ATP1B3: variants seen among roughly 807,000 people sequenced by gnomAD.
ATP1B3 encodes the protein ATPase Na+/K+ transporting subunit beta 3.
ATP1B3 carries 10 observed loss-of-function variants against 30.2 expected under a neutral mutation model. The observed-to-expected ratio is 0.33, with a 90% confidence interval of 0.20 to 0.56. The LOEUF (loss-of-function observed/expected upper bound fraction) is 0.56, where lower values mean the gene tolerates loss of function less well. Among genes scored for constraint, ATP1B3 ranks in the 20% least tolerant of loss-of-function variants. The pLI is 0.90. For synonymous variants in ATP1B3, 113 were observed against 117.0 expected (o/e 0.97, Z 0.22); for missense variants, 238 against 336.7 (o/e 0.71, Z 2.29).
At chr3:141,885,421 CCTTTTCTTTTTT>C (rs1466026853) in intron 1 of ATP1B3, among the ~76,000 whole-genome samples, 7 of 151,882 alleles carry the variant, frequency 4.6e-5, no homozygotes, top group Non-Finnish European at 8.8e-5. Context: ...TCTGGTAGTG[CCTTTTCTTTTTT>C]CTTTTCTTTT....
chr3:141,902,905 T>C (rs1934189844), intron 1 of ATP1B3: 1 of 152,244 alleles, frequency 6.6e-6, no homozygotes, highest in African/African-American at 2.4e-5. Flanking sequence ...GTTTTTAAAA[T>C]ATATATTTTT....
chr3:141,901,273 C>T (rs1406026669), intron 1 of ATP1B3, among the ~76,000 whole-genome samples: 2 of 152,198 alleles, frequency 1.3e-5, no homozygotes, highest in Non-Finnish European at 2.9e-5. Flanking sequence ...AGTCAGGACG[C>T]CGCCATTTAG....
intron 1 of ATP1B3, among the ~76,000 whole-genome samples, chr3:141,888,220 A>G (rs901349013): frequency 6.6e-6 from 1 of 152,202 alleles, no homozygotes; most frequent in Non-Finnish European, 1.5e-5. Flanking sequence ...GTGCATGGGT[A>G]AACATTCCTA....
chr3:141,911,776 T>C (rs942225735), intron 3 of ATP1B3, among the ~76,000 whole-genome samples: 3 of 152,246 alleles, frequency 2.0e-5, no homozygotes, highest in African/African-American at 2.4e-5. Context: ...ATTTCAGGCA[T>C]GAGCCACTGC....
intron 1 of ATP1B3, among the ~76,000 whole-genome samples, chr3:141,896,779 A>C (rs1042135377): frequency 6.6e-6 from 1 of 151,960 alleles, no homozygotes; most frequent in Non-Finnish European, 1.5e-5. Context: ...TGTTTTAATT[A>C]TGCTTATTTT....
intron 1 of ATP1B3, among the ~76,000 whole-genome samples, chr3:141,882,251 T>C (rs1021953174): frequency 5.9e-5 from 9 of 152,226 alleles, no homozygotes; most frequent in South Asian, 2.1e-4. Context: ...TTTAATTATT[T>C]TCTAATTTTG....
At chr3:141,909,071 G>GA (rs1299797018) in intron 3 of ATP1B3, among the ~76,000 whole-genome samples, 1 of 152,030 alleles carries the variant, frequency 6.6e-6, no homozygotes, top group African/African-American at 2.4e-5. Context: ...CTGTCAACTT[G>GA]AAAAAATCTT....
Position 141,876,772 on chromosome 3 carries a change from G to A in ATP1B3, c.-30G>A, listed in dbSNP as rs757735850. On this transcript the variant is annotated 5_prime_UTR_variant, in exon 1 of 7. Coordinates refer to ENST00000286371, the MANE Select transcript of ATP1B3 (RefSeq NM_001679.4). ...CCTCGCCGCCTCCATCCCCGCGGCC[G>A]CAGCTCCTCTCGCCGTCCGCGCGCA... 5 of 1,567,340 alleles carry A rather than the reference G, an allele frequency of 3.2e-6. No individual in the cohort carries two copies. The highest frequency in any genetic ancestry group is 4.3e-6 in the Non-Finnish European group (5 of 1,149,746).
At chr3:141,902,456 T>C (rs1030239957) in intron 1 of ATP1B3, among the ~76,000 whole-genome samples, 1 of 152,202 alleles carries the variant, frequency 6.6e-6, no homozygotes, top group Non-Finnish European at 1.5e-5. Flanking sequence ...CAGAAATATA[T>C]TATTACAGAA....
chr3:141,917,958 CG>C (rs1302112320), intron 5 of ATP1B3, among the ~76,000 whole-genome samples: 1 of 151,578 alleles, frequency 6.6e-6, no homozygotes, highest in East Asian at 2.0e-4. Flanking sequence ...TTAGTAGAGA[CG>C]GGGTTTCACT....
At chr3:141,913,267 C>G (rs186309036) in intron 3 of ATP1B3, among the ~76,000 whole-genome samples, 51 of 151,088 alleles carry the variant, frequency 3.4e-4, no homozygotes, top group Non-Finnish European at 5.9e-4. Context: ...TGATTTTATA[C>G]TCACTTAATG....
intron 1 of ATP1B3, among the ~76,000 whole-genome samples, chr3:141,888,332 C>T (rs559318744): frequency 6.6e-6 from 1 of 152,202 alleles, no homozygotes; most frequent in African/African-American, 2.4e-5. Context: ...TCCTGTCAGT[C>T]CTTTTTTCAG....
intron 1 of ATP1B3, among the ~76,000 whole-genome samples, chr3:141,897,656 A>T (rs145454821): frequency 6.6e-6 from 1 of 152,222 alleles, no homozygotes; most frequent in Non-Finnish European, 1.5e-5. Flanking sequence ...GTATACATAC[A>T]TATATGTGCA....
chr3:141,915,356 C>T (rs948947858), intron 4 of ATP1B3, among the ~76,000 whole-genome samples: 1 of 152,186 alleles, frequency 6.6e-6, no homozygotes, highest in Non-Finnish European at 1.5e-5. Context: ...TTAGATTTTA[C>T]GTGCATTCAC....
intron 1 of ATP1B3, among the ~76,000 whole-genome samples, chr3:141,890,990 T>TA (rs1192651399): frequency 1.3e-5 from 2 of 152,252 alleles, no homozygotes; most frequent in Non-Finnish European, 2.9e-5. Context: ...TCTTAACTCT[T>TA]ACTTTGGTTT....
At chr3:141,897,053 C>T (rs1934079921) in intron 1 of ATP1B3, among the ~76,000 whole-genome samples, 1 of 152,128 alleles carries the variant, frequency 6.6e-6, no homozygotes, top group Admixed American at 6.6e-5. Flanking sequence ...CTTTTCCAGC[C>T]CAAGCTCCCT....
intron 6 of ATP1B3, among the ~76,000 whole-genome samples, chr3:141,922,367 T>A (rs1934577939): frequency 6.6e-6 from 1 of 152,040 alleles, no homozygotes; most frequent in Non-Finnish European, 1.5e-5. Context: ...AAAAAGAAAA[T>A]CAAGGCCGGG....
Position 141,876,738 on chromosome 3 carries a change from C to T in ATP1B3, c.-64C>T. On this transcript the variant is annotated 5_prime_UTR_variant, in exon 1 of 7. Transcript: ENST00000286371. ...CTGCGCCGCCGGAGCCGGGACGCGCCTCCGCAGCCCTCGCCGCCTCCATCC... is the reference window on the plus strand; with the variant it reads ...CTGCGCCGCCGGAGCCGGGACGCGCTTCCGCAGCCCTCGCCGCCTCCATCC... 2 of 1,344,666 alleles carry T rather than the reference C, an allele frequency of 1.5e-6. No homozygotes were observed. Among genetic ancestry groups the T allele is most frequent in the Non-Finnish European group, 1.0e-6 (1 of 964,908 alleles). 83.3% of individuals were successfully genotyped at this position (1,344,666 alleles called of 1,614,324 possible).
At chr3:141,913,869 T>TTTCTAATA in intron 4 of ATP1B3, 33 bp downstream of exon 4, 1 of 1,553,598 alleles carries the variant, frequency 6.4e-7, no homozygotes, top group South Asian at 1.2e-5. Flanking sequence ...CTGCTGCTTT[T>TTTCTAATA]TTCTAATATT....
Sources: allele counts gnomAD v4.1 joint callset (sites outside exome capture counted in the v4.1 genomes callset), GRCh38; gene constraint gnomAD v4.1.1; transcripts MANE v1.5; gene names NCBI Gene and HGNC (gene_info 2026-07-23, HGNC 2026-07-21).